GMDS: variants seen among roughly 807,000 people sequenced by gnomAD.
GMDS encodes the protein GDP-mannose 4,6 dehydratase.
In GMDS, 20 loss-of-function variants were observed where a neutral mutation model predicts 49.9. The observed-to-expected ratio is 0.40, with a 90% CI of 0.28 to 0.58. GMDS has a LOEUF of 0.58. Among genes scored for constraint, GMDS ranks in the 20% least tolerant of loss-of-function variants. The probability of loss-of-function intolerance (pLI) is 0.42; values close to 1 mark genes in which losing one functional copy is unlikely to be tolerated. For missense variants in GMDS, 362 were observed against 481.4 expected (o/e 0.75, Z 2.32); for synonymous variants, 177 against 178.6 (o/e 0.99, Z 0.07).
chr6:2,214,983 T>C (rs1365171648), intron 1 of GMDS, among the ~76,000 whole-genome samples: 1 of 152,240 alleles, frequency 6.6e-6, no homozygotes, highest in Non-Finnish European at 1.5e-5. Context: ...CTTCTTAATG[T>C]AAGTACGTTA....
intron 9 of GMDS, among the ~76,000 whole-genome samples, chr6:1,704,465 C>G (rs1026107472): frequency 1.3e-5 from 2 of 152,092 alleles, no homozygotes; most frequent in African/African-American, 4.8e-5. Context: ...ACGGGAGTAC[C>G]ATTCAAGATG....
chr6:1,772,403 G>A (rs749661331), intron 7 of GMDS, among the ~76,000 whole-genome samples: 2 of 152,178 alleles, frequency 1.3e-5, no homozygotes, highest in Non-Finnish European at 2.9e-5. Flanking sequence ...CCCTCCATTT[G>A]AATCTGCACA....
At chr6:1,711,304 C>T (rs748583043) in intron 9 of GMDS, among the ~76,000 whole-genome samples, 1 of 152,218 alleles carries the variant, frequency 6.6e-6, no homozygotes, top group African/African-American at 2.4e-5. Flanking sequence ...CAGGGTCCAC[C>T]GCTCAAGTGG....
chr6:2,047,163 A>T (rs759454948), intron 4 of GMDS, among the ~76,000 whole-genome samples: 13 of 152,232 alleles, frequency 8.5e-5, no homozygotes, highest in Non-Finnish European at 1.8e-4. Context: ...CCCAATTCAC[A>T]TTCTAGATTA....
intron 9 of GMDS, among the ~76,000 whole-genome samples, chr6:1,662,028 C>T (rs890965685): frequency 2.6e-5 from 4 of 151,966 alleles, no homozygotes; most frequent in East Asian, 1.9e-4. Flanking sequence ...TCACAAATGG[C>T]GACTCGCCTT....
chr6:1,653,833 A>G (rs1180345784), intron 9 of GMDS, among the ~76,000 whole-genome samples: 1 of 152,246 alleles, frequency 6.6e-6, no homozygotes, highest in Non-Finnish European at 1.5e-5. Flanking sequence ...TAAGACTTAA[A>G]TCTATAAAAC....
chr6:1,944,065 G>C (rs1762944185), intron 6 of GMDS, among the ~76,000 whole-genome samples: 1 of 152,178 alleles, frequency 6.6e-6, no homozygotes, highest in South Asian at 2.1e-4. Context: ...CTTCAGAATT[G>C]ATAGAGCTAT....
At chr6:2,164,247 A>C (rs1052567672) in intron 1 of GMDS, among the ~76,000 whole-genome samples, 22 of 152,224 alleles carry the variant, frequency 1.4e-4, no homozygotes, top group African/African-American at 5.3e-4. Context: ...CAGTCTTAAT[A>C]TACATGCCCA....
chr6:1,948,428 C>A (rs941288791), intron 6 of GMDS, among the ~76,000 whole-genome samples: 3 of 152,116 alleles, frequency 2.0e-5, no homozygotes, highest in Non-Finnish European at 4.4e-5. Flanking sequence ...GTAATTGACA[C>A]AACCATATAC....
intron 4 of GMDS, among the ~76,000 whole-genome samples, chr6:2,113,622 A>G (rs1392315148): frequency 6.6e-6 from 1 of 151,856 alleles, no homozygotes; most frequent in African/African-American, 2.4e-5. Flanking sequence ...TCTATACCTC[A>G]ACACCAGAGC....
chr6:2,209,102 A>G (rs933732297), intron 1 of GMDS, among the ~76,000 whole-genome samples: 3 of 152,202 alleles, frequency 2.0e-5, no homozygotes, highest in Admixed American at 2.0e-4. Context: ...AAAAGAAATC[A>G]AGATTTATTA....
intron 7 of GMDS, among the ~76,000 whole-genome samples, chr6:1,747,418 C>T (rs1436448313): frequency 6.6e-6 from 1 of 150,576 alleles, no homozygotes; most frequent in Non-Finnish European, 1.5e-5. Flanking sequence ...CACCCTGGTG[C>T]TTTTGTGCTT....
chr6:1,811,555 CTTTTT>C (rs67339222), intron 7 of GMDS, among the ~76,000 whole-genome samples: 1 of 119,066 alleles, frequency 8.4e-6, no homozygotes, highest in Non-Finnish European at 1.7e-5. Context: ...ACTAGTCAAG[CTTTTT>C]TTTTTTTTTT....
intron 9 of GMDS, among the ~76,000 whole-genome samples, chr6:1,692,852 T>G (rs1765221384): frequency 6.6e-6 from 1 of 152,254 alleles, no homozygotes; most frequent in Admixed American, 6.5e-5. Context: ...GCATCAGTTC[T>G]GGGTTGATTT....
At chr6:1,857,276 G>C (rs571943139) in intron 7 of GMDS, among the ~76,000 whole-genome samples, 83 of 152,294 alleles carry the variant, frequency 5.4e-4, no homozygotes, top group Non-Finnish European at 1.1e-3. Flanking sequence ...AAAATCACCT[G>C]ACAGTCCGTA....
chr6:2,004,964 A>G (rs924384073), intron 4 of GMDS, among the ~76,000 whole-genome samples: 67 of 152,360 alleles, frequency 4.4e-4, no homozygotes, highest in East Asian at 3.9e-4. Flanking sequence ...ATCAATCCAC[A>G]GATTTAATAA....
At position 1,778,217 on chromosome 6, in the gene GMDS, CTATT is replaced by C. The variant is rs1420913766; in HGVS notation, c.772-35635_772-35632del. ...CTTGGGTCTCATTTTGCTGGGATGACTATTTATATGACAGGTAAGGGAATAACTT... is the reference window on the plus strand; with the variant it reads ...CTTGGGTCTCATTTTGCTGGGATGACTATATGACAGGTAAGGGAATAACTT... On this transcript the variant is annotated intron_variant, in intron 7 of 10. Transcript: ENST00000380815. This position sits in a 1 kb window ranked among gnomAD's most constrained non-coding sequence, Gnocchi z 4.6. Among the ~76,000 whole-genome samples the C allele has an allele frequency of 3.1e-4, 47 of 152,292 alleles. No individual in the cohort carries two copies. Among genetic ancestry groups the C allele is most frequent in the African/African-American group, 1.0e-3 (42 of 41,554 alleles).
intron 4 of GMDS, among the ~76,000 whole-genome samples, chr6:2,011,133 G>A (rs1767532608): frequency 6.6e-6 from 1 of 152,100 alleles, no homozygotes; most frequent in Admixed American, 6.6e-5. Context: ...GCTTAACTCA[G>A]CAAAGGACAT....
At chr6:2,166,124 T>C (rs1393395898) in intron 1 of GMDS, among the ~76,000 whole-genome samples, 1 of 152,070 alleles carries the variant, frequency 6.6e-6, no homozygotes, top group Non-Finnish European at 1.5e-5. Flanking sequence ...ACAGAGAACG[T>C]GAGCATTCAC....
Sources: gnomAD v4.1 joint callset for allele counts (sites outside exome capture counted in the v4.1 genomes callset) on GRCh38, gnomAD v4.1.1 for gene constraint, Gnocchi (gnomAD v3.1) non-coding constraint, MANE v1.5 for transcripts, NCBI Gene and HGNC (gene_info 2026-07-23, HGNC 2026-07-21) for gene names.